The following CDC45 variants were observed in gnomAD, a reference collection of about 807,000 sequenced individuals.
CDC45 encodes the protein cell division cycle 45.
A neutral mutation model predicts 77.8 loss-of-function variants in CDC45; 54 were observed. The ratio of observed to expected loss-of-function variants is 0.69; its 90% confidence interval spans 0.56 to 0.87. The LOEUF is 0.87. CDC45 is among the 40% of genes least tolerant of loss of function. The probability of loss-of-function intolerance (pLI) is 0.00; values close to 1 mark genes in which losing one functional copy is unlikely to be tolerated. For missense variants in CDC45, 649 were observed against 721.6 expected, an observed-to-expected ratio of 0.90 and a Z score of 1.15; for synonymous variants, 260 against 272.1, an observed-to-expected ratio of 0.96 and a Z score of 0.44.
intron 2 of CDC45, 84 bp from the exon 3 acceptor site, chr22:19,480,869 C>A (rs2089968966): frequency 2.4e-6 from 2 of 824,654 alleles, no homozygotes; most frequent in Non-Finnish European, 4.0e-6. Context: ...TGTCTCTCAA[C>A]CCGTCTAATC....
intron 2 of CDC45, 101 bp downstream of exon 2, chr22:19,480,318 T>A (rs961072975): frequency 6.4e-6 from 7 of 1,094,844 alleles, no homozygotes; most frequent in Non-Finnish European, 9.7e-6. Flanking sequence ...TGCTGAGGGC[T>A]TAGGGTGGGA....
chr22:19,479,875 A>G, upstream of CDC45: 2 of 1,270,236 alleles, frequency 1.6e-6, no homozygotes, highest in Non-Finnish European at 2.3e-6. Flanking sequence ...TGATCCCTGG[A>G]CCAATCGGAG....
chr22:19,503,724 C>G (rs189201346), intron 9 of CDC45, among the ~76,000 whole-genome samples: 1 of 152,314 alleles, frequency 6.6e-6, no homozygotes, highest in East Asian at 1.9e-4. Flanking sequence ...GAAGTCCCCT[C>G]AAACGAGGCC....
chr22:19,493,218 C>G (rs1361892255), intron 5 of CDC45, among the ~76,000 whole-genome samples: 2 of 91,124 alleles, frequency 2.2e-5, no homozygotes, highest in African/African-American at 7.4e-5. Context: ...GACAGAGCAG[C>G]TTTTGTGGGT....
intron 15 of CDC45, among the ~76,000 whole-genome samples, chr22:19,515,601 T>C (rs926551056): frequency 3.3e-5 from 5 of 152,216 alleles, no homozygotes; most frequent in African/African-American, 4.8e-5. Flanking sequence ...TCAAACAAAA[T>C]GTGCTAACAG....
intron 13 of CDC45, among the ~76,000 whole-genome samples, chr22:19,513,822 TA>T (rs771952889): frequency 9.2e-5 from 14 of 152,232 alleles, no homozygotes; most frequent in Admixed American, 7.2e-4. Flanking sequence ...CCGTGTTTTT[TA>T]TTCTTGCTTT....
At chr22:19,510,962 A>G (rs190972605) in intron 13 of CDC45, among the ~76,000 whole-genome samples, 64 of 152,308 alleles carry the variant, frequency 4.2e-4, no homozygotes, top group Admixed American at 1.2e-3. Flanking sequence ...ACTTGCATGT[A>G]CAAGTTTTTG....
Position 19,505,348 on chromosome 22 carries a change from A to C in CDC45, c.705-14A>C, listed in dbSNP as rs1933105222. The C allele has an allele frequency of 6.2e-7, 1 of 1,613,808 alleles. No individual in the cohort carries two copies. The highest frequency in any genetic ancestry group is 1.3e-5 in the African/African-American group (1 of 74,874). On this transcript the variant is annotated splice_polypyrimidine_tract_variant and intron_variant, in intron 9 of 18. Coordinates refer to ENST00000263201, the MANE Select transcript of CDC45 (RefSeq NM_003504.5). ...GAGGGAACCAGCCGAGGCTTGTGCTACTTTTTTTTCCAGAATGAAATACGT... is the reference window on the plus strand; with the variant it reads ...GAGGGAACCAGCCGAGGCTTGTGCTCCTTTTTTTTCCAGAATGAAATACGT...
intron 13 of CDC45, among the ~76,000 whole-genome samples, chr22:19,513,755 A>G (rs1683881708): frequency 6.6e-6 from 1 of 152,222 alleles, no homozygotes; most frequent in Non-Finnish European, 1.5e-5. Flanking sequence ...GAGTTCTTAT[A>G]TATCTGACAA....
intron 13 of CDC45, among the ~76,000 whole-genome samples, chr22:19,511,739 A>G (rs1355029130): frequency 1.3e-5 from 2 of 152,168 alleles, no homozygotes; most frequent in East Asian, 3.9e-4. Flanking sequence ...CCTGTGAAGT[A>G]TAAGATTTGT....
intron 13 of CDC45, among the ~76,000 whole-genome samples, chr22:19,513,093 G>A (rs1351551261): frequency 6.6e-6 from 1 of 152,152 alleles, no homozygotes; most frequent in Non-Finnish European, 1.5e-5. Flanking sequence ...TATTCATGAG[G>A]GGTCTGCACC....
intron 15 of CDC45, 122 bp downstream of exon 15, chr22:19,515,170 A>C: frequency 2.5e-6 from 2 of 791,764 alleles, no homozygotes; most frequent in South Asian, 3.8e-5. Flanking sequence ...AGGTCTAGGC[A>C]CATCCATTAC....
At chr22:19,497,959 G>A (rs944117771) in intron 8 of CDC45, among the ~76,000 whole-genome samples, 2 of 152,020 alleles carry the variant, frequency 1.3e-5, no homozygotes, top group African/African-American at 2.4e-5. Flanking sequence ...TGGAAGGTCA[G>A]GAATTCGAGA....
upstream of CDC45, chr22:19,479,740 A>T: frequency 1.5e-6 from 1 of 655,888 alleles, no homozygotes; most frequent in Non-Finnish European, 2.8e-6. Flanking sequence ...TCGGCCTCAG[A>T]GGTGACGCTT....
chr22:19,513,602 G>A (rs1933629787), intron 13 of CDC45, among the ~76,000 whole-genome samples: 1 of 152,106 alleles, frequency 6.6e-6, no homozygotes, highest in Admixed American at 6.5e-5. Flanking sequence ...TGTCCCCATG[G>A]ATGTCCAAAT....
At chr22:19,515,592 C>T (rs1933742580) in intron 15 of CDC45, among the ~76,000 whole-genome samples, 9 of 152,202 alleles carry the variant, frequency 5.9e-5, no homozygotes. Flanking sequence ...GGGGCTATTT[C>T]AAACAAAATG....
At position 19,520,502 on chromosome 22, in the gene CDC45, CCTT is replaced by C. The variant is rs1217013678; in HGVS notation, c.*27_*29del. The stretch of plus-strand genomic sequence containing the variant: ...CTAGAATTTGATTCTTCCAGAATGA[CCTT>C]CTTATTTATGTAACTGGCTTTCATT... On this transcript the variant is annotated 3_prime_UTR_variant, in exon 19 of 19. Transcript: ENST00000263201. The surrounding 1 kb of genome is among the most constrained non-coding windows in gnomAD (Gnocchi z 4.5). The C allele has an allele frequency of 5.3e-5, 8 of 152,212 alleles. No homozygotes were observed. The highest frequency in any genetic ancestry group is 1.2e-4 in the Non-Finnish European group (8 of 68,030). The allele number at this position is 152,212 out of a possible 1,614,324, so 9.4% of individuals were successfully genotyped here.
intron 9 of CDC45, among the ~76,000 whole-genome samples, chr22:19,499,929 A>T (rs2090311571): frequency 6.6e-6 from 1 of 152,108 alleles, no homozygotes; most frequent in Non-Finnish European, 1.5e-5. Context: ...ATGCAGTTTG[A>T]ATAGGCCCCA....
Position 19,514,842 on chromosome 22 carries a change from C to T in CDC45, c.1311C>T (p.Asn437=). The T allele has an allele frequency of 1.2e-6, 2 of 1,614,226 alleles. No homozygotes were observed. The highest frequency in any genetic ancestry group is 1.7e-6 in the Non-Finnish European group (2 of 1,180,040). The change falls in exon 14 of 19, where the codon AAC becomes AAT. Residue 437 remains asparagine, a synonymous_variant. Coordinates refer to ENST00000263201, the MANE Select transcript of CDC45 (RefSeq NM_003504.5). The part of the protein sequence containing the change: ...QQTIASCLCT[N]LVISQGPFLY... Reference sequence around the variant, plus strand: ...CCATTGCCAGCTGCCTTTGCACCAACCTCGTCATCTCCCAGGGGCCTTTCC... The same window carrying T: ...CCATTGCCAGCTGCCTTTGCACCAATCTCGTCATCTCCCAGGGGCCTTTCC...
Sources: gnomAD v4.1 joint callset for allele counts (sites outside exome capture counted in the v4.1 genomes callset) on GRCh38, gnomAD v4.1.1 for gene constraint, Gnocchi (gnomAD v3.1) non-coding constraint, MANE v1.5 for transcripts, NCBI Gene and HGNC (gene_info 2026-07-23, HGNC 2026-07-21) for gene names.